LINGO2: variants seen among roughly 807,000 people sequenced by gnomAD.
LINGO2 encodes the protein leucine-rich repeat and immunoglobulin-like domain-containing nogo receptor-interacting protein 2.
A neutral mutation model predicts 30.6 loss-of-function variants in LINGO2; 14 were observed. The observed-to-expected ratio is 0.46, with a 90% CI of 0.30 to 0.72. LINGO2 has a LOEUF of 0.72. Ranked by LOEUF, LINGO2 falls within the 30% of genes least tolerant of loss-of-function variation. The pLI, the probability that LINGO2 is intolerant of heterozygous loss-of-function variation, is 0.07. For missense variants in LINGO2, 729 were observed against 751.7 expected (o/e 0.97, Z 0.35); for synonymous variants, 317 against 288.5 (o/e 1.10, Z -1.00).
intron 2 of LINGO2, among the ~76,000 whole-genome samples, chr9:28,405,730 C>A (rs1188880288): frequency 6.6e-6 from 1 of 152,180 alleles, no homozygotes. Flanking sequence ...ACTTCTCTTT[C>A]TATCAAGTTT....
chr9:28,345,471 T>C (rs1215375255), intron 3 of LINGO2, among the ~76,000 whole-genome samples: 1 of 152,124 alleles, frequency 6.6e-6, no homozygotes, highest in Non-Finnish European at 1.5e-5. Context: ...GGTAACCTAT[T>C]GCAGCTTTAT....
intron 4 of LINGO2, among the ~76,000 whole-genome samples, chr9:28,233,061 T>TATATATATATATAA (rs60875467): frequency 0.011 from 1,290 of 118,640 alleles, 45 homozygotes; most frequent in African/African-American, 0.028. Context: ...TATATATATA[T>TATATATATATATAA]TAGATATATA....
intron 4 of LINGO2, among the ~76,000 whole-genome samples, chr9:28,015,899 G>C (rs1451506788): frequency 2.0e-5 from 3 of 149,484 alleles, no homozygotes; most frequent in African/African-American, 5.0e-5. Context: ...GGAGAGCAAA[G>C]CACTTGAACT....
At chr9:29,169,002 G>A in the LINGO2 span, among the ~76,000 whole-genome samples, 1 of 152,180 alleles carries the variant, frequency 6.6e-6, no homozygotes, top group Non-Finnish European at 1.5e-5. Context: ...AGGCTGGAGT[G>A]CAATGGTGTC....
intron 2 of LINGO2, among the ~76,000 whole-genome samples, chr9:28,407,210 T>C (rs1822548498): frequency 6.7e-6 from 1 of 148,524 alleles, no homozygotes; most frequent in Non-Finnish European, 1.5e-5. Context: ...GAAAATAATT[T>C]AAAAACAATA....
intron 4 of LINGO2, among the ~76,000 whole-genome samples, chr9:28,138,848 C>T (rs926438019): frequency 2.0e-5 from 3 of 152,090 alleles, no homozygotes; most frequent in Non-Finnish European, 2.9e-5. Flanking sequence ...AAGACCTTCC[C>T]CTACACAGAT....
chr9:28,708,200 C>T, the LINGO2 span, among the ~76,000 whole-genome samples: 4 of 152,112 alleles, frequency 2.6e-5, no homozygotes, highest in Admixed American at 6.6e-5. Context: ...AGGCATGTTT[C>T]GCAGGCATTA....
intron 4 of LINGO2, among the ~76,000 whole-genome samples, chr9:28,016,993 C>T (rs1172512702): frequency 6.6e-6 from 1 of 152,070 alleles, no homozygotes; most frequent in African/African-American, 2.4e-5. Context: ...TAATTCACCA[C>T]GATCAAGTAG....
chr9:29,169,480 A>T, the LINGO2 span, among the ~76,000 whole-genome samples: 3 of 152,146 alleles, frequency 2.0e-5, no homozygotes, highest in Non-Finnish European at 1.5e-5. Flanking sequence ...ATACACAGAC[A>T]TTCTTCAAAA....
chr9:27,986,883 C>T (rs2118980288), intron 5 of LINGO2, among the ~76,000 whole-genome samples: 1 of 151,866 alleles, frequency 6.6e-6, no homozygotes, highest in Non-Finnish European at 1.5e-5. Context: ...TTCTACTATC[C>T]AAGAAGAGGA....
chr9:28,439,893 C>T (rs536192771), intron 2 of LINGO2, among the ~76,000 whole-genome samples: 3 of 152,290 alleles, frequency 2.0e-5, no homozygotes, highest in Non-Finnish European at 4.4e-5. Flanking sequence ...CACCTTCCCT[C>T]CCATGGGGTT....
At chr9:27,982,281 A>G (rs1016575875) in intron 5 of LINGO2, among the ~76,000 whole-genome samples, 4 of 151,862 alleles carry the variant, frequency 2.6e-5, no homozygotes, top group Admixed American at 6.6e-5. Context: ...TACACCACAC[A>G]TAATTTATAA....
chr9:28,024,989 G>A (rs1417159710), intron 4 of LINGO2, among the ~76,000 whole-genome samples: 3 of 152,162 alleles, frequency 2.0e-5, no homozygotes, highest in Non-Finnish European at 2.9e-5. Context: ...GCACCCGGGC[G>A]AGATCATTGT....
At chr9:28,601,491 G>C (rs2135747382) in intron 1 of LINGO2, among the ~76,000 whole-genome samples, 1 of 152,146 alleles carries the variant, frequency 6.6e-6, no homozygotes, top group Non-Finnish European at 1.5e-5. Flanking sequence ...GAGGTATCAG[G>C]GTGAATAGGA....
intron 4 of LINGO2, among the ~76,000 whole-genome samples, chr9:28,038,072 T>C (rs539752722): frequency 6.6e-6 from 1 of 152,352 alleles, no homozygotes; most frequent in African/African-American, 2.4e-5. Flanking sequence ...TACCACTTTT[T>C]AATAAGATTT....
intron 4 of LINGO2, among the ~76,000 whole-genome samples, chr9:28,234,191 A>T (rs572339610): frequency 6.6e-6 from 1 of 152,236 alleles, no homozygotes; most frequent in South Asian, 2.1e-4. Context: ...GCCCTGGGCC[A>T]AAAAGGAGCC....
intron 2 of LINGO2, among the ~76,000 whole-genome samples, chr9:28,381,492 G>A (rs780599125): frequency 1.3e-5 from 2 of 152,030 alleles, no homozygotes; most frequent in Non-Finnish European, 2.9e-5. Context: ...TGTGTGGGGA[G>A]TTCAAATATG....
the LINGO2 span, among the ~76,000 whole-genome samples, chr9:29,082,674 T>C: frequency 1.2e-3 from 189 of 152,080 alleles, no homozygotes; most frequent in African/African-American, 4.4e-3. Flanking sequence ...ATTTTTGCAA[T>C]CTACTCATCT....
chr9:28,747,950 A>C, the LINGO2 span, among the ~76,000 whole-genome samples: 1 of 152,218 alleles, frequency 6.6e-6, no homozygotes, highest in East Asian at 1.9e-4. Flanking sequence ...GGAGACAACG[A>C]GTCAAAAATT....
Sources: gnomAD v4.1 joint callset for allele counts (sites outside exome capture counted in the v4.1 genomes callset) on GRCh38, gnomAD v4.1.1 for gene constraint, MANE v1.5 for transcripts, NCBI Gene and HGNC (gene_info 2026-07-23, HGNC 2026-07-21) for gene names.